ASCC3: variants seen among roughly 807,000 people sequenced by gnomAD.
ASCC3 encodes ASC-1 complex subunit P200.
Under a neutral mutation model 256.3 loss-of-function variants are expected in ASCC3, and 158 were observed. That is an observed-to-expected ratio of 0.62 (90% CI 0.54 to 0.70). The LOEUF (loss-of-function observed/expected upper bound fraction) is 0.70. Among genes scored for constraint, ASCC3 ranks in the 30% least tolerant of loss-of-function variants. The pLI is 0.00. For synonymous variants in ASCC3, 948 were observed against 883.4 expected, an observed-to-expected ratio of 1.07 and a Z score of -1.30; for missense variants, 2,259 against 2,626.0, an observed-to-expected ratio of 0.86 and a Z score of 3.05.
intron 36 of ASCC3, among the ~76,000 whole-genome samples, chr6:100,587,557 T>C (rs1771764073): frequency 6.6e-6 from 1 of 152,106 alleles, no homozygotes; most frequent in African/African-American, 2.4e-5. Flanking sequence ...ACTGAGACAA[T>C]ATCTAGCGCA....
intron 10 of ASCC3, among the ~76,000 whole-genome samples, chr6:100,747,187 T>C (rs1044034788): frequency 2.8e-5 from 4 of 144,790 alleles, no homozygotes; most frequent in Admixed American, 2.0e-4. Flanking sequence ...ATTGGGGAAA[T>C]ACAAATGAAA....
chr6:100,725,903 G>A (rs754963790), intron 10 of ASCC3, among the ~76,000 whole-genome samples, 200 bp from the exon 11 acceptor site: 10 of 151,440 alleles, frequency 6.6e-5, no homozygotes, highest in Non-Finnish European at 1.2e-4. Flanking sequence ...ATACTAGGCA[G>A]TTTAAGCTCA....
intron 1 of ASCC3, among the ~76,000 whole-genome samples, chr6:100,869,665 A>G (rs1321048639): frequency 6.6e-6 from 1 of 152,222 alleles, no homozygotes; most frequent in Non-Finnish European, 1.5e-5. Context: ...AATAAAAACA[A>G]ATTGAAATAT....
chr6:100,531,075 G>C, intron 37 of ASCC3: 1 of 1,352,288 alleles, frequency 7.4e-7, no homozygotes, highest in South Asian at 1.2e-5. Flanking sequence ...CTTCTAGAAC[G>C]TACATAGTCT....
In ASCC3 at chr6:100,718,373, T is replaced by C. The variant is rs796123860; in HGVS notation, c.1903-122A>G. ...GACAGAGATGAGTGTAGAGGTCAAT[T>C]GAGGGTCCTATCATGTCAGACATTG... On this transcript the variant is annotated intron_variant, in intron 11 of 41. Coordinates refer to ENST00000369162, the MANE Select transcript of ASCC3 (RefSeq NM_006828.4). 3.7e-5 allele frequency: 27 copies of C among 736,462 alleles called. No individual in the cohort carries two copies. In the African/African-American group the frequency reaches 4.8e-4, roughly 13 times the overall value. 45.6% of individuals were successfully genotyped at this position (736,462 alleles called of 1,614,324 possible). A position where few individuals can be genotyped will look rare whatever the true frequency, so the allele number is the denominator to read the frequency against.
At chr6:100,742,438 G>A (rs898397204) in intron 10 of ASCC3, among the ~76,000 whole-genome samples, 3 of 152,162 alleles carry the variant, frequency 2.0e-5, no homozygotes, top group African/African-American at 7.2e-5. Context: ...CATTTGGGCT[G>A]TTTGGACTCT....
intron 34 of ASCC3, among the ~76,000 whole-genome samples, chr6:100,595,724 G>A (rs1772258745): frequency 6.6e-6 from 1 of 152,142 alleles, no homozygotes. Flanking sequence ...GCTATTGGGA[G>A]CAAGTTGCTT....
intron 8 of ASCC3, among the ~76,000 whole-genome samples, chr6:100,797,677 C>T (rs905025492): frequency 7.9e-5 from 12 of 151,758 alleles, no homozygotes; most frequent in African/African-American, 2.4e-4. Context: ...AATATTGATA[C>T]GTGGACCTCT....
At chr6:100,761,635 T>C (rs1781427738) in intron 10 of ASCC3, among the ~76,000 whole-genome samples, 1 of 152,280 alleles carries the variant, frequency 6.6e-6, no homozygotes, top group Non-Finnish European at 1.5e-5. Flanking sequence ...GAATTGGAGT[T>C]TGGAGATTAT....
chr6:100,785,889 C>T (rs952824668), intron 8 of ASCC3, among the ~76,000 whole-genome samples: 2 of 152,120 alleles, frequency 1.3e-5, no homozygotes, highest in Non-Finnish European at 2.9e-5. Context: ...GATGTTATTA[C>T]TGGTCTTGAA....
At chr6:100,770,340 A>G (rs12205870) in intron 8 of ASCC3, among the ~76,000 whole-genome samples, 18,316 of 151,894 alleles carry the variant, frequency 0.12, 1,506 homozygotes, top group Non-Finnish European at 0.18. Flanking sequence ...GGCATCTACA[A>G]AAGCGTTACA....
At chr6:100,751,931 C>T (rs887558327) in intron 10 of ASCC3, among the ~76,000 whole-genome samples, 2 of 152,066 alleles carry the variant, frequency 1.3e-5, no homozygotes, top group Non-Finnish European at 2.9e-5. Flanking sequence ...TCCTAAACAT[C>T]AGACCCATGT....
At chr6:100,844,219 C>T (rs1426363216) in intron 4 of ASCC3, among the ~76,000 whole-genome samples, 1 of 149,836 alleles carries the variant, frequency 6.7e-6, no homozygotes, top group Non-Finnish European at 1.5e-5. Flanking sequence ...AGAATTTCTA[C>T]CACTCTTTTG....
chr6:100,715,683 A>G (rs767006280), intron 12 of ASCC3, 150 bp from the exon 13 acceptor site: 4 of 601,380 alleles, frequency 6.7e-6, no homozygotes, highest in Non-Finnish European at 1.2e-5. Context: ...CATATAACAT[A>G]TAACAATCCA....
intron 11 of ASCC3, among the ~76,000 whole-genome samples, chr6:100,723,874 A>ATATATATATATTTATAAT (rs1554220092): frequency 3.2e-4 from 41 of 128,138 alleles, no homozygotes; most frequent in South Asian, 4.7e-4. Flanking sequence ...ATATATATAT[A>ATATATATATATTTATAAT]TATATATATA....
intron 28 of ASCC3, 57 bp downstream of exon 28, chr6:100,627,785 G>T (rs941484646): frequency 6.2e-7 from 1 of 1,610,560 alleles, no homozygotes; most frequent in Non-Finnish European, 8.5e-7. Flanking sequence ...TCTCTTAAAA[G>T]GAATCATCAA....
intron 4 of ASCC3, among the ~76,000 whole-genome samples, chr6:100,816,550 A>C (rs1422180200): frequency 6.6e-6 from 1 of 152,206 alleles, no homozygotes; most frequent in Non-Finnish European, 1.5e-5. Flanking sequence ...AATGTGGTAC[A>C]TATACATTAT....
intron 4 of ASCC3, among the ~76,000 whole-genome samples, chr6:100,809,480 A>T (rs532237638): frequency 6.6e-6 from 1 of 152,220 alleles, no homozygotes; most frequent in Admixed American, 6.5e-5. Context: ...TTTCAGTTCT[A>T]TTATAATCTT....
intron 36 of ASCC3, among the ~76,000 whole-genome samples, chr6:100,547,433 A>G (rs1215408639): frequency 6.6e-6 from 1 of 152,052 alleles, no homozygotes; most frequent in Non-Finnish European, 1.5e-5. Flanking sequence ...CCACAGAGTG[A>G]AAGTATCTGC....
Sources: allele counts gnomAD v4.1 joint callset (sites outside exome capture counted in the v4.1 genomes callset), GRCh38; gene constraint gnomAD v4.1.1; transcripts MANE v1.5; gene names NCBI Gene and HGNC (gene_info 2026-07-23, HGNC 2026-07-21).